PISD: variants seen among roughly 807,000 people sequenced by gnomAD.
PISD encodes phosphatidylserine decarboxylase proenzyme, mitochondrial.
A neutral mutation model predicts 43.5 loss-of-function variants in PISD; 31 were observed. That is an observed-to-expected ratio of 0.71 (90% CI 0.54 to 0.96). PISD has a LOEUF of 0.96. PISD is among the 40% of genes least tolerant of loss of function. The pLI is 0.00. For missense variants in PISD, 523 were observed against 548.4 expected (o/e 0.95, Z 0.46); for synonymous variants, 259 against 228.7 (o/e 1.13, Z -1.20).
Position 31,638,704 on chromosome 22 carries a change from C to T in PISD, c.321+9397G>A. 3.7e-6 allele frequency: 3 copies of T among 808,406 alleles called. 1 individual carries two copies. The South Asian group carries it at 1.7e-4, about 46-fold the overall frequency. 50.1% of individuals were successfully genotyped at this position (808,406 alleles called of 1,614,324 possible). The stretch of plus-strand genomic sequence containing the variant: ...GTTTTGCTATGTTGCCCAGGCTGCT[C>T]TCAAACTCCTGGGCTCAAGAGATCT... On this transcript the variant is annotated intron_variant, in intron 3 of 7. Transcript: ENST00000439502.
At chr22:31,625,606 T>C in intron 3 of PISD, 1 of 848,848 alleles carries the variant, frequency 1.2e-6, no homozygotes, top group Non-Finnish European at 1.8e-6. Flanking sequence ...CGACTCAGGG[T>C]GCTCAGGCCC....
intron 3 of PISD, among the ~76,000 whole-genome samples, chr22:31,622,205 G>A (rs1349835467): frequency 1.3e-5 from 2 of 152,232 alleles, no homozygotes; most frequent in African/African-American, 2.4e-5. Flanking sequence ...GGTCGGAAAC[G>A]GATCTGATCC....
At chr22:31,620,813 G>A (rs2072515151) in intron 6 of PISD, 100 bp from the exon 7 acceptor site, 13 of 1,488,310 alleles carry the variant, frequency 8.7e-6, no homozygotes, top group Non-Finnish European at 1.2e-5. Context: ...TTGCCCCGAT[G>A]TCACTCCAAA....
Position 31,623,895 on chromosome 22 carries a change from T to C in PISD, c.322-2010A>G, listed in dbSNP as rs1466772502. On this transcript the variant is annotated intron_variant, in intron 3 of 7. Coordinates refer to ENST00000439502, the MANE Select transcript of PISD (RefSeq NM_001326411.2). ...CACAGCCAGGTCAGTGGCCAGGCTC[T>C]GGGCAGGACCCAGGAGGCTGCCACC... is the stretch of plus-strand genomic sequence containing the variant. 11 of 1,575,258 alleles carry C rather than the reference T, an allele frequency of 7.0e-6. No homozygotes were observed. The South Asian group carries it at 9.2e-5, about 13-fold the overall frequency.
chr22:31,625,353 C>T (rs910320847), intron 3 of PISD, among the ~76,000 whole-genome samples: 1 of 152,240 alleles, frequency 6.6e-6, no homozygotes, highest in African/African-American at 2.4e-5. Context: ...GCCACCTGCC[C>T]CACTCACTGC....
chr22:31,631,993 G>C (rs2073226411), intron 3 of PISD, among the ~76,000 whole-genome samples: 1 of 152,192 alleles, frequency 6.6e-6, no homozygotes, highest in Admixed American at 6.5e-5. Flanking sequence ...GATCACTTAA[G>C]CTCAGGAGTT....
chr22:31,631,906 G>A (rs62237845), intron 3 of PISD, among the ~76,000 whole-genome samples: 6,710 of 152,258 alleles, frequency 0.044, 129 homozygotes, highest in Non-Finnish European at 0.05. Flanking sequence ...TCACCACTGA[G>A]ATCTTTGTTT....
chr22:31,624,425 C>CA (rs1275919601), intron 3 of PISD, among the ~76,000 whole-genome samples: 2 of 152,170 alleles, frequency 1.3e-5, no homozygotes, highest in Admixed American at 6.5e-5. Context: ...TTCATGGTTC[C>CA]AGGCCCCCCC....
chr22:31,625,667 G>A (rs1449396829), intron 3 of PISD: 22 of 1,470,414 alleles, frequency 1.5e-5, no homozygotes, highest in South Asian at 4.9e-5. Flanking sequence ...TCCCCTTGCC[G>A]CCACCTCTAC....
intron 6 of PISD, 135 bp from the exon 7 acceptor site, chr22:31,620,848 TC>T: frequency 7.2e-7 from 1 of 1,386,912 alleles, no homozygotes. Context: ...GGCCCCACGG[TC>T]CCCTGCCCAC....
intron 1 of PISD, among the ~76,000 whole-genome samples, chr22:31,660,115 T>C (rs2074278201): frequency 6.6e-6 from 1 of 152,184 alleles, no homozygotes. Context: ...GTCTCACAAA[T>C]AGGCACTGGT....
At chr22:31,641,621 C>T (rs2073730103) in intron 3 of PISD, among the ~76,000 whole-genome samples, 2 of 151,100 alleles carry the variant, frequency 1.3e-5, no homozygotes, top group Admixed American at 1.3e-4. Flanking sequence ...TCAAGAACAG[C>T]CTGGCCAACA....
chr22:31,622,255 TCA>T (rs1327994442), intron 3 of PISD, among the ~76,000 whole-genome samples: 1 of 152,196 alleles, frequency 6.6e-6, no homozygotes, highest in East Asian at 1.9e-4. Flanking sequence ...GACCCCAATA[TCA>T]CAGTGTGTGG....
Position 31,637,152 on chromosome 22 carries a change from AAAAAAAAAAAAAATATATATAT to A in PISD, c.321+10927_321+10948del, listed in dbSNP as rs1465409029. ...ATAATAATAAATAAATTAAAAAAAA[AAAAAAAAAAAAAATATATATAT>A]ATATATATATATATATATATATATA... On this transcript the variant is annotated intron_variant, in intron 3 of 7. Transcript: ENST00000439502. 2.7e-3 allele frequency among the ~76,000 whole-genome samples: 84 copies of A among 30,586 alleles called. 6 individuals are homozygous for A. The highest frequency in any genetic ancestry group is 8.0e-3 in the African/African-American group (72 of 9,016). 20.1% of individuals were successfully genotyped at this position (30,586 alleles called of 152,430 possible). A position where few individuals can be genotyped will look rare whatever the true frequency, so the allele number is the denominator to read the frequency against.
rs531069745 is a variant in PISD, at chr22:31,624,120, G to T, written c.322-2235C>A. Among the ~76,000 whole-genome samples the T allele has an allele frequency of 7.9e-5, 12 of 152,258 alleles. No individual in the cohort carries two copies. The South Asian group carries it at 2.5e-3, about 32-fold the overall frequency. ...CCAGCTGGGGAGGACTGGGAATGTGGGGGCAGCCGCAAGAGGAGAGTCAGG... is the reference window on the plus strand; with the variant it reads ...CCAGCTGGGGAGGACTGGGAATGTGTGGGCAGCCGCAAGAGGAGAGTCAGG... On this transcript the variant is annotated intron_variant, in intron 3 of 7. Coordinates refer to ENST00000439502, the MANE Select transcript of PISD (RefSeq NM_001326411.2).
At chr22:31,629,119 C>T in intron 3 of PISD, 1 of 985,404 alleles carries the variant, frequency 1.0e-6, no homozygotes, top group Non-Finnish European at 1.2e-6. Flanking sequence ...AGGGTAAAGA[C>T]CACAACACCT....
chr22:31,637,165 ATATAT>A (rs1163123725), intron 3 of PISD, among the ~76,000 whole-genome samples: 10 of 13,410 alleles, frequency 7.5e-4, no homozygotes, highest in East Asian at 4.1e-3. Context: ...AAAAAAAAAA[ATATAT>A]ATATATATAT....
intron 1 of PISD, among the ~76,000 whole-genome samples, chr22:31,660,233 C>T (rs2074280650): frequency 1.3e-5 from 2 of 152,180 alleles, no homozygotes; most frequent in Non-Finnish European, 2.9e-5. Flanking sequence ...GTACCCAAAT[C>T]TTCATCTCTC....
intron 3 of PISD, chr22:31,638,253 G>A: frequency 2.3e-6 from 1 of 427,028 alleles, no homozygotes; most frequent in South Asian, 9.9e-5. Context: ...ACCGGGCACA[G>A]CTCAGGCCCA....
Sources: allele counts gnomAD v4.1 joint callset (sites outside exome capture counted in the v4.1 genomes callset), GRCh38; gene constraint gnomAD v4.1.1; transcripts MANE v1.5; gene names NCBI Gene and HGNC (gene_info 2026-07-23, HGNC 2026-07-21).